Variants in ARFIP1 observed in about 807,000 individuals in gnomAD.
ARFIP1 encodes ARF interacting protein 1.
Under a neutral mutation model 42.5 loss-of-function variants are expected in ARFIP1, and 24 were observed. The ratio of observed to expected loss-of-function variants is 0.57; its 90% CI spans 0.41 to 0.80. The LOEUF (loss-of-function observed/expected upper bound fraction) is 0.80. ARFIP1 is among the 30% of genes least tolerant of loss of function. ARFIP1 has a pLI of 0.00. For missense variants in ARFIP1, 354 were observed against 434.0 expected (o/e 0.82, Z 1.64); for synonymous variants, 141 against 153.7 (o/e 0.92, Z 0.61).
chr4:152,880,084 G>A (rs1194585069), intron 5 of ARFIP1, among the ~76,000 whole-genome samples: 2 of 152,184 alleles, frequency 1.3e-5, no homozygotes, highest in East Asian at 1.9e-4. Flanking sequence ...GCTCACGCCT[G>A]TAATCCCAGC....
intron 2 of ARFIP1, among the ~76,000 whole-genome samples, chr4:152,859,786 T>C (rs890708412): frequency 5.3e-5 from 8 of 151,326 alleles, no homozygotes; most frequent in African/African-American, 1.9e-4. Context: ...CTACTAAAGG[T>C]GTCGTTTTAT....
chr4:152,909,767 G>T (rs547742346), intron 8 of ARFIP1, among the ~76,000 whole-genome samples: 2 of 152,110 alleles, frequency 1.3e-5, no homozygotes, highest in African/African-American at 4.8e-5. Flanking sequence ...TTAGTTTGAG[G>T]AGGATTTAAT....
chr4:152,874,838 T>C (rs1040533744), intron 5 of ARFIP1, among the ~76,000 whole-genome samples: 4 of 152,046 alleles, frequency 2.6e-5, no homozygotes, highest in African/African-American at 9.7e-5. Flanking sequence ...TAATTTCTTA[T>C]TTTTTGTGGA....
chr4:152,847,357 T>G (rs1732640514), intron 2 of ARFIP1, among the ~76,000 whole-genome samples: 1 of 151,716 alleles, frequency 6.6e-6, no homozygotes, highest in South Asian at 2.1e-4. Flanking sequence ...GGTCTTGAAC[T>G]CTTGACCTCA....
intron 2 of ARFIP1, among the ~76,000 whole-genome samples, chr4:152,844,893 G>A (rs1395657577): frequency 6.6e-6 from 1 of 152,018 alleles, no homozygotes; most frequent in Non-Finnish European, 1.5e-5. Flanking sequence ...CAAAAAAAGA[G>A]TCCAAATAGC....
At chr4:152,808,179 C>T (rs1354051312) in intron 1 of ARFIP1, among the ~76,000 whole-genome samples, 1 of 150,860 alleles carries the variant, frequency 6.6e-6, no homozygotes, top group East Asian at 1.9e-4. Context: ...GGAGTTTCTC[C>T]ATGTTGGTCA....
intron 1 of ARFIP1, among the ~76,000 whole-genome samples, chr4:152,825,474 T>G (rs578097606): frequency 6.6e-6 from 1 of 152,278 alleles, no homozygotes; most frequent in African/African-American, 2.4e-5. Flanking sequence ...TAAATGGTGC[T>G]GAGGAAATTG....
intron 7 of ARFIP1, among the ~76,000 whole-genome samples, chr4:152,885,875 T>C (rs1004476687): frequency 6.6e-6 from 1 of 152,046 alleles, no homozygotes. Flanking sequence ...ATAAGCATTC[T>C]AAAGGTATCA....
Position 152,910,383 on chromosome 4 carries a change from G to C in ARFIP1, c.*164G>C. ...TTTTTCATACTTTAACAATTGAACTGTTAAGGGTGGTTTTAATGTAAACAT... is the reference window on the plus strand; with the variant it reads ...TTTTTCATACTTTAACAATTGAACTCTTAAGGGTGGTTTTAATGTAAACAT... On this transcript the variant is annotated 3_prime_UTR_variant, in exon 9 of 9. Transcript: ENST00000353617. 1 of 756,750 alleles carries C rather than the reference G, an allele frequency of 1.3e-6. No individual in the cohort carries two copies. Among genetic ancestry groups the C allele is most frequent in the Non-Finnish European group, 2.0e-6 (1 of 498,602 alleles). 46.9% of individuals were successfully genotyped at this position (756,750 alleles called of 1,614,324 possible). A position where few individuals can be genotyped will look rare whatever the true frequency, so the allele number is the denominator to read the frequency against.
At chr4:152,903,753 A>G (rs1400869864) in intron 8 of ARFIP1, among the ~76,000 whole-genome samples, 1 of 152,136 alleles carries the variant, frequency 6.6e-6, no homozygotes, top group Non-Finnish European at 1.5e-5. Flanking sequence ...TTTAAATACA[A>G]CAAATACACT....
intron 3 of ARFIP1, among the ~76,000 whole-genome samples, chr4:152,865,035 T>G (rs1455235697): frequency 6.6e-6 from 1 of 151,970 alleles, no homozygotes; most frequent in Non-Finnish European, 1.5e-5. Context: ...TTCAGTTCAA[T>G]TAAGCACATA....
At chr4:152,889,848 T>TA (rs1260337481) in intron 8 of ARFIP1, among the ~76,000 whole-genome samples, 6 of 113,844 alleles carry the variant, frequency 5.3e-5, no homozygotes, top group South Asian at 2.9e-4. Flanking sequence ...ATATATATAC[T>TA]ATATATACTA....
intron 3 of ARFIP1, among the ~76,000 whole-genome samples, chr4:152,868,112 A>G (rs1734559171): frequency 6.6e-6 from 1 of 152,260 alleles, no homozygotes; most frequent in Non-Finnish European, 1.5e-5. Context: ...ATAACCATCT[A>G]CTTTTTCATC....
chr4:152,804,250 T>A (rs111216341), intron 1 of ARFIP1, among the ~76,000 whole-genome samples: 1 of 38,322 alleles, frequency 2.6e-5, no homozygotes, highest in African/African-American at 8.8e-5. Flanking sequence ...TAATATATAA[T>A]ATAACATGTA....
In ARFIP1 at chr4:152,863,493, TAGC is replaced by T. The variant is rs1734049866; in HGVS notation, c.94-110_94-108del. 4.9e-6 allele frequency: 3 copies of T among 615,268 alleles called. No individual in the cohort carries two copies. In the South Asian group the frequency reaches 5.9e-5, roughly 12 times the overall value. 38.1% of individuals were successfully genotyped at this position (615,268 alleles called of 1,614,324 possible). On this transcript the variant is annotated intron_variant, in intron 2 of 8. Transcript: ENST00000353617. The stretch of plus-strand genomic sequence containing the variant: ...CATGATAGCATAAGGGAATACCGCA[TAGC>T]AGAGAGAAAAATAATCTAAGATTTG...
intron 6 of ARFIP1, among the ~76,000 whole-genome samples, chr4:152,882,021 G>A (rs1561167369): frequency 6.6e-6 from 1 of 152,124 alleles, no homozygotes; most frequent in Non-Finnish European, 1.5e-5. Flanking sequence ...GGTGCATCCT[G>A]ATTAATCTGT....
Position 152,868,745 on chromosome 4 carries a change from T to C in ARFIP1, c.203-2008T>C, listed in dbSNP as rs536904442. On this transcript the variant is annotated intron_variant, in intron 3 of 8. Transcript: ENST00000353617. ...TTTTATTTTACACTTTATTTTAGAA[T>C]CCCTTATGCCTTGGACGGTAGAGAT... Among the ~76,000 whole-genome samples the C allele has an allele frequency of 2.0e-5, 3 of 152,288 alleles. No individual in the cohort carries two copies. The South Asian group carries it at 6.2e-4, about 32-fold the overall frequency.
intron 1 of ARFIP1, among the ~76,000 whole-genome samples, chr4:152,782,221 GGGGTGTGTGTGTGTGT>G (rs1274693618): frequency 1.2e-5 from 1 of 80,172 alleles, no homozygotes; most frequent in Non-Finnish European, 2.5e-5. Flanking sequence ...AAAACAGGTA[GGGGTGTGTGTGTGTGT>G]GTGTGTGTGT....
intron 2 of ARFIP1, among the ~76,000 whole-genome samples, chr4:152,847,813 A>G (rs1262035376): frequency 2.0e-5 from 3 of 152,210 alleles, no homozygotes; most frequent in Admixed American, 6.5e-5. Flanking sequence ...GAATTAATTT[A>G]TAGTTGGTAG....
Sources: gnomAD v4.1 joint callset for allele counts (sites outside exome capture counted in the v4.1 genomes callset) on GRCh38, gnomAD v4.1.1 for gene constraint, MANE v1.5 for transcripts, NCBI Gene and HGNC (gene_info 2026-07-23, HGNC 2026-07-21) for gene names.